Variants in UBE2S observed in about 807,000 individuals in gnomAD.
The protein encoded by UBE2S is ubiquitin conjugating enzyme E2 S, also known as ubiquitin-conjugating enzyme E2 S.
In UBE2S, 3 loss-of-function variants were observed where a neutral mutation model predicts 12.3. The ratio of observed to expected loss-of-function variants is 0.24; its 90% CI spans 0.11 to 0.63. UBE2S has a LOEUF of 0.63. Among genes scored for constraint, UBE2S ranks in the 30% least tolerant of loss-of-function variants. The pLI is 0.85. For missense variants in UBE2S, 211 were observed against 313.9 expected (o/e 0.67, Z 2.48); for synonymous variants, 133 against 142.0 (o/e 0.94, Z 0.45).
chr19:55,401,161 A>G lies in UBE2S; in HGVS notation c.*275T>C. 2 of 514,910 alleles carry G rather than the reference A, an allele frequency of 3.9e-6. No homozygotes were observed. The highest frequency in any genetic ancestry group is 2.0e-5 in the African/African-American group (1 of 50,978). 31.9% of individuals were successfully genotyped at this position (514,910 alleles called of 1,614,324 possible). On this transcript the variant is annotated 3_prime_UTR_variant, in exon 4 of 4. Coordinates refer to ENST00000264552, the MANE Select transcript of UBE2S (RefSeq NM_014501.3). ...TCAAACAGCAAGGCTGGTGAGCTAG[A>G]TGGACCCACTGCTGCAGTCCATGAG...
At chr19:55,405,186 G>A (rs936992165) in intron 2 of UBE2S, among the ~76,000 whole-genome samples, 29 of 133,522 alleles carry the variant, frequency 2.2e-4, no homozygotes, top group South Asian at 2.4e-4. Context: ...CTCCAGCCTG[G>A]GCAACAAGAG....
intron 2 of UBE2S, among the ~76,000 whole-genome samples, chr19:55,406,142 T>G (rs2090094954): frequency 6.6e-6 from 1 of 152,170 alleles, no homozygotes; most frequent in South Asian, 2.1e-4. Context: ...CCAAGGGCCT[T>G]TCTGGAGCCT....
At chr19:55,405,709 C>T (rs931338395) in intron 2 of UBE2S, among the ~76,000 whole-genome samples, 1 of 152,114 alleles carries the variant, frequency 6.6e-6, no homozygotes, top group South Asian at 2.1e-4. Context: ...GACCCAAGTA[C>T]GCACTTTCCT....
At position 55,407,780 on chromosome 19, in the gene UBE2S, C is replaced by T; in HGVS notation, c.-191G>A. The T allele has an allele frequency of 2.8e-6, 1 of 360,576 alleles. No homozygotes were observed. The highest frequency in any genetic ancestry group is 4.8e-6 in the Non-Finnish European group (1 of 207,754). 22.3% of individuals were successfully genotyped at this position (360,576 alleles called of 1,614,324 possible). On this transcript the variant is annotated 5_prime_UTR_variant, in exon 1 of 4. Transcript: ENST00000264552. Reference sequence around the variant, plus strand: ...AACCCGCCGCCCCGGTGCCCGGCAGCACTGAGCCGGCCGCGCGCGCACCAC... The same window carrying T: ...AACCCGCCGCCCCGGTGCCCGGCAGTACTGAGCCGGCCGCGCGCGCACCAC...
At chr19:55,403,814 C>T (rs181626546) in intron 3 of UBE2S, 3,851 of 160,460 alleles carry the variant, frequency 0.024, 50 homozygotes, top group Middle Eastern at 0.036. Context: ...GATCTCGGCT[C>T]ACTGCAACCT....
In UBE2S at chr19:55,401,602, C is replaced by A. The variant is rs766382400; in HGVS notation, c.503G>T (p.Gly168Val). 20 of 1,606,288 alleles carry A rather than the reference C, an allele frequency of 1.2e-5. No individual in the cohort carries two copies. The highest frequency in any genetic ancestry group is 7.7e-5 in the South Asian group (7 of 90,764). Residue 168 changes from glycine to valine, a missense_variant, in exon 4 of 4, where the codon GGT becomes GTT. By Grantham distance (109) the Gly-to-Val change is moderately radical (BLOSUM62 -3). Transcript: ENST00000264552. ...AGGPSGRAEA[G>V]RALASGTEAS... ...TTCAGTGCCACTGGCCAGGGCCCGA[C>A]CGGCTTCGGCCCTGCCGCTGGGCCC... is the stretch of plus-strand genomic sequence containing the variant.
Position 55,401,346 on chromosome 19 carries a change from C to A in UBE2S, c.*90G>T, listed in dbSNP as rs191733596. Reference sequence around the variant, plus strand: ...CCAGTGCCCCCTGTACCCTCCCCGACCCCAGCCATAATTTAAATAACTTAG... The same window carrying A: ...CCAGTGCCCCCTGTACCCTCCCCGAACCCAGCCATAATTTAAATAACTTAG... On this transcript the variant is annotated 3_prime_UTR_variant, in exon 4 of 4. Transcript: ENST00000264552. 2.1e-5 allele frequency: 21 copies of A among 1,013,368 alleles called. No individual in the cohort carries two copies. The East Asian group carries it at 4.9e-4, about 24-fold the overall frequency. The allele number at this position is 1,013,368 out of a possible 1,614,324, so 62.8% of individuals were successfully genotyped here.
At chr19:55,402,956 T>G (rs1276093258) in intron 3 of UBE2S, 2 of 1,533,114 alleles carry the variant, frequency 1.3e-6, no homozygotes, top group Non-Finnish European at 1.7e-6. Context: ...GCGGGAAGGG[T>G]TGGGAGGCAG....
At chr19:55,402,927 C>CT (rs112400318) in intron 3 of UBE2S, 65,810 of 862,148 alleles carry the variant, frequency 0.076, no homozygotes, top group South Asian at 0.092. Flanking sequence ...ATTTGGTTAA[C>CT]TTTTTTTTTT....
rs576442854 is a variant in UBE2S, at chr19:55,405,133, C to T, written c.152-655G>A. 5.4e-5 allele frequency among the ~76,000 whole-genome samples: 8 copies of T among 147,300 alleles called. No homozygotes were observed. In the East Asian group the frequency reaches 1.6e-3, roughly 29 times the overall value. ...GCTGAGGCAGAAGAATCCCTTGAAC[C>T]CGGGATGGGGAGGTTGCAGTGTGCG... On this transcript the variant is annotated intron_variant, in intron 2 of 3. Transcript: ENST00000264552.
At position 55,400,282 on chromosome 19, in the gene UBE2S, G is replaced by A. The variant is rs906157422; in HGVS notation, c.*1154C>T. 54 of 152,310 alleles carry A rather than the reference G, an allele frequency of 3.5e-4. No homozygotes were observed. Among genetic ancestry groups the A allele is most frequent in the African/African-American group, 1.1e-3 (46 of 41,562 alleles). 9.4% of individuals were successfully genotyped at this position (152,310 alleles called of 1,614,324 possible). A position where few individuals can be genotyped will look rare whatever the true frequency, so the allele number is the denominator to read the frequency against. On this transcript the variant is annotated 3_prime_UTR_variant, in exon 4 of 4. Transcript: ENST00000264552. Reference sequence around the variant, plus strand: ...TCAAGTGATCCTTTCACCTCCTAAAGTTGGGATTACAGGCGTGAGCCATTG... The same window carrying A: ...TCAAGTGATCCTTTCACCTCCTAAAATTGGGATTACAGGCGTGAGCCATTG...
Position 55,402,411 on chromosome 19 carries a change from A to G in UBE2S, c.343-649T>C, listed in dbSNP as rs532605748. 5.3e-5 allele frequency among the ~76,000 whole-genome samples: 8 copies of G among 152,324 alleles called. No individual in the cohort carries two copies. In the East Asian group the frequency reaches 1.5e-3, roughly 29 times the overall value. On this transcript the variant is annotated intron_variant, in intron 3 of 3. Coordinates refer to ENST00000264552, the MANE Select transcript of UBE2S (RefSeq NM_014501.3). ...GAGGTGCACTTCGAGGGTGGTCCAG[A>G]GATTCCTCTCAACCCCCTTCACAGC...
chr19:55,400,823 T>G lies in UBE2S; in HGVS notation c.*613A>C, dbSNP rs2090051655. The G allele has an allele frequency of 6.5e-6, 1 of 152,926 alleles. No homozygotes were observed. Among genetic ancestry groups the G allele is most frequent in the Non-Finnish European group, 1.5e-5 (1 of 68,588 alleles). 9.5% of individuals were successfully genotyped at this position (152,926 alleles called of 1,614,324 possible). A position where few individuals can be genotyped will look rare whatever the true frequency, so the allele number is the denominator to read the frequency against. On this transcript the variant is annotated 3_prime_UTR_variant, in exon 4 of 4. Transcript: ENST00000264552. ...AAATACATGTGGGAACAGGCTTTGC[T>G]GCCCACAAGGGAAAAACCAATCTTT...
At chr19:55,405,595 T>C (rs1175949747) in intron 2 of UBE2S, among the ~76,000 whole-genome samples, 2 of 151,920 alleles carry the variant, frequency 1.3e-5, no homozygotes, top group Non-Finnish European at 2.9e-5. Context: ...ATGCCCATCT[T>C]GCAGCCCCCA....
rs1237935331 is a variant in UBE2S at position 55,407,783 on chromosome 19, T to C, written c.-194A>G. On this transcript the variant is annotated 5_prime_UTR_variant, in exon 1 of 4. Transcript: ENST00000264552. Reference sequence around the variant, plus strand: ...CCGCCGCCCCGGTGCCCGGCAGCACTGAGCCGGCCGCGCGCGCACCACTGC... The same window carrying C: ...CCGCCGCCCCGGTGCCCGGCAGCACCGAGCCGGCCGCGCGCGCACCACTGC... 6 of 352,894 alleles carry C rather than the reference T, an allele frequency of 1.7e-5. No individual in the cohort carries two copies. Among genetic ancestry groups the C allele is most frequent in the Non-Finnish European group, 2.5e-5 (5 of 201,800 alleles). 21.9% of individuals were successfully genotyped at this position (352,894 alleles called of 1,614,324 possible).
rs562034124 is a variant in UBE2S at position 55,399,898 on chromosome 19, G to A, written c.*1538C>T. 6.6e-6 allele frequency: 1 copy of A among 152,326 alleles called. No individual in the cohort carries two copies. Among genetic ancestry groups the A allele is most frequent in the East Asian group, 1.9e-4 (1 of 5,190 alleles). 9.4% of individuals were successfully genotyped at this position (152,326 alleles called of 1,614,324 possible). On this transcript the variant is annotated 3_prime_UTR_variant, in exon 4 of 4. Coordinates refer to ENST00000264552, the MANE Select transcript of UBE2S (RefSeq NM_014501.3). ...ACGCAGAGCTTAAGATTTCTTGGAT[G>A]GCCAGTGATGTGAATTTGATCTGAA...
Position 55,401,482 on chromosome 19 carries a change from G to A in UBE2S, c.623C>T (p.Ala208Val), listed in dbSNP as rs373412596. The stretch of plus-strand genomic sequence containing the variant: ...CTTCTTGTCCGTCTTTTTCTTGGCC[G>A]CCAGCTTCTTATCGCGCTCGCCAGC... ...KHAGERDKKL[A>V]AKKKTDKKRA... The change falls in exon 4 of 4, where the codon GCG becomes GTG. Residue 208 changes from alanine (A) to valine (V), a missense_variant. By Grantham distance (64) the Ala-to-Val change is moderately conservative. This residue lies in a region of UBE2S where 84 missense variants were observed against 89.9 expected (regional missense o/e 0.93). Transcript: ENST00000264552. 1.9e-5 allele frequency: 31 copies of A among 1,608,422 alleles called. No individual in the cohort carries two copies. In the African/African-American group the frequency reaches 2.1e-4, roughly 11 times the overall value.
chr19:55,405,470 T>C (rs958643892), intron 2 of UBE2S, among the ~76,000 whole-genome samples: 13 of 151,896 alleles, frequency 8.6e-5, no homozygotes, highest in Non-Finnish European at 1.8e-4. Flanking sequence ...GATTGTGCTA[T>C]TGCACTCCAG....
chr19:55,405,994 T>C (rs978169030), intron 2 of UBE2S, among the ~76,000 whole-genome samples: 2 of 152,156 alleles, frequency 1.3e-5, no homozygotes, highest in Non-Finnish European at 2.9e-5. Context: ...TTGGAGGGAT[T>C]TGTCACACCC....
Sources: allele counts gnomAD v4.1 joint callset (sites outside exome capture counted in the v4.1 genomes callset), GRCh38; gene constraint gnomAD v4.1.1; regional missense constraint gnomAD v4.1.1; transcripts MANE v1.5; gene names NCBI Gene and HGNC (gene_info 2026-07-23, HGNC 2026-07-21).